The following CDH23 variants were observed in gnomAD, a reference collection of about 807,000 sequenced individuals.
The protein encoded by CDH23 is cadherin-23.
CDH23 carries 189 observed loss-of-function variants against 317.1 expected under a neutral mutation model. The observed-to-expected ratio is 0.60, with a 90% CI of 0.53 to 0.67. The LOEUF (loss-of-function observed/expected upper bound fraction) is 0.67. CDH23 is among the 30% of genes least tolerant of loss of function. The pLI is 0.00. For missense variants in CDH23, 4,401 were observed against 4,592.4 expected, an observed-to-expected ratio of 0.96 and a Z score of 1.20; for synonymous variants, 1,839 against 1,876.8, an observed-to-expected ratio of 0.98 and a Z score of 0.52.
intron 34 of CDH23, among the ~76,000 whole-genome samples, chr10:71,736,683 C>A (rs1052516323): frequency 2.6e-5 from 4 of 152,214 alleles, no homozygotes; most frequent in African/African-American, 9.6e-5. Flanking sequence ...TGCAGCCTCA[C>A]CAAGATCAGA....
intron 3 of CDH23, among the ~76,000 whole-genome samples, chr10:71,467,359 G>A (rs771059908): frequency 6.6e-6 from 1 of 152,220 alleles, no homozygotes; most frequent in Non-Finnish European, 1.5e-5. Flanking sequence ...GGCTGGGCCC[G>A]ATCCTCAGAG....
intron 17 of CDH23, 141 bp from the exon 18 acceptor site, chr10:71,682,304 G>C (rs545635110): frequency 9.3e-7 from 1 of 1,081,062 alleles, no homozygotes; most frequent in Non-Finnish European, 1.3e-6. Context: ...TCGAGATGTT[G>C]AGGCTCCAGG....
Position 71,570,817 on chromosome 10 carries a change from A to G in CDH23, c.652A>G (p.Thr218Ala). The G allele has an allele frequency of 6.2e-7, 1 of 1,613,696 alleles. No individual in the cohort carries two copies. Among genetic ancestry groups the G allele is most frequent in the African/African-American group, 1.3e-5 (1 of 75,006 alleles). The stretch of plus-strand genomic sequence containing the variant: ...TCAAGACAAGACCAGGCCTCTGTCC[A>G]CCCTGGCCAACTTGGCCATCATCAT... ...TDQDKTRPLS[T>A]LANLAIIITD... is the part of the protein sequence containing the mutation. The change falls in exon 8 of 70, where the codon ACC becomes GCC. Residue 218 changes from threonine (T) to alanine (A), a missense_variant. Thr to Ala is a moderately conservative substitution (Grantham distance 58). This residue lies in a region of CDH23 where 3,068 missense variants were observed against 3,203.3 expected (regional missense o/e 0.96). Coordinates refer to ENST00000224721, the MANE Select transcript of CDH23 (RefSeq NM_022124.6).
chr10:71,468,828 G>A (rs1851375614), intron 3 of CDH23, among the ~76,000 whole-genome samples: 1 of 152,188 alleles, frequency 6.6e-6, no homozygotes, highest in South Asian at 2.1e-4. Context: ...CAGGGCAGGG[G>A]TGAGGCAGGT....
intron 3 of CDH23, among the ~76,000 whole-genome samples, chr10:71,471,700 TG>T (rs1851523040): frequency 6.6e-6 from 1 of 151,630 alleles, no homozygotes; most frequent in Admixed American, 6.6e-5. Context: ...CACGCCGTGT[TG>T]TTTCTGACCC....
At position 71,777,885 on chromosome 10, in the gene CDH23, G is replaced by A. The variant is rs111033475; in HGVS notation, c.5051G>A (p.Arg1684His). 4.3e-5 allele frequency: 70 copies of A among 1,613,772 alleles called. 1 individual carries two copies. In the Middle Eastern group the frequency reaches 4.9e-4, roughly 11 times the overall value. The change falls in exon 39 of 70, where the codon CGC (arginine) becomes CAC (histidine). Residue 1684 changes from arginine to histidine, a missense_variant. Arg to His is a conservative substitution (Grantham distance 29, BLOSUM62 0). Around this residue, in one of 3 missense-constraint regions of CDH23, gnomAD observed 3,068 missense variants for 3,203.3 expected, o/e 0.96. Transcript: ENST00000224721. Reference sequence around the variant, plus strand: ...GCAGGCAACATCGTCAACACCTTCCGCATCGACAGACACATGGTCAGCAGC... The same window carrying A: ...GCAGGCAACATCGTCAACACCTTCCACATCGACAGACACATGGTCAGCAGC... The part of the protein sequence containing the change: ...IVAGNIVNTF[R>H]IDRHMGVITA...
intron 19 of CDH23, among the ~76,000 whole-genome samples, chr10:71,688,020 C>A (rs1019257830): frequency 6.6e-6 from 1 of 152,212 alleles, no homozygotes; most frequent in African/African-American, 2.4e-5. Context: ...ATTAAGCAAT[C>A]TTGATTAAAC....
chr10:71,605,402 G>A (rs1860472968), intron 9 of CDH23, among the ~76,000 whole-genome samples: 1 of 152,156 alleles, frequency 6.6e-6, no homozygotes, highest in African/African-American at 2.4e-5. Context: ...CATATCTGGG[G>A]GAAAGTGCTA....
At chr10:71,783,917 A>G (rs1382459419) in intron 41 of CDH23, among the ~76,000 whole-genome samples, 1 of 152,174 alleles carries the variant, frequency 6.6e-6, no homozygotes, top group Non-Finnish European at 1.5e-5. Flanking sequence ...GCCTTCATTG[A>G]TCAAGAGTGC....
At chr10:71,402,609 T>C (rs1847829952) in intron 1 of CDH23, among the ~76,000 whole-genome samples, 1 of 152,248 alleles carries the variant, frequency 6.6e-6, no homozygotes, top group Admixed American at 6.5e-5. Context: ...TTTGACTTAC[T>C]TATATGTTAG....
chr10:71,813,378 G>C (rs1842008688), intron 69 of CDH23, 30 bp downstream of exon 69: 3 of 1,517,910 alleles, frequency 2.0e-6, no homozygotes, highest in Non-Finnish European at 2.7e-6. Flanking sequence ...GGAGCTGTGT[G>C]CTGTGCCCCA....
chr10:71,732,791 C>G, intron 32 of CDH23: 1 of 878,850 alleles, frequency 1.1e-6, no homozygotes, highest in Non-Finnish European at 1.4e-6. Context: ...CTCTGGTCAT[C>G]GAAGTGTGTG....
intron 6 of CDH23, among the ~76,000 whole-genome samples, chr10:71,562,318 T>C (rs1484062368): frequency 6.6e-6 from 1 of 152,228 alleles, no homozygotes; most frequent in Admixed American, 6.5e-5. Context: ...CGCATGCTGA[T>C]AATTGCCTGC....
intron 14 of CDH23, among the ~76,000 whole-genome samples, chr10:71,659,346 A>G: frequency 6.6e-6 from 1 of 152,230 alleles, no homozygotes; most frequent in Admixed American, 6.5e-5. Flanking sequence ...TGACAGAAGC[A>G]GCCACTGGGA....
chr10:71,757,004 G>A (rs570105459), intron 38 of CDH23, among the ~76,000 whole-genome samples: 23 of 152,336 alleles, frequency 1.5e-4, no homozygotes, highest in South Asian at 4.1e-4. Flanking sequence ...AGCAAGTTCC[G>A]CTCCACATTA....
At chr10:71,467,545 A>C (rs1310693249) in intron 3 of CDH23, among the ~76,000 whole-genome samples, 1 of 152,140 alleles carries the variant, frequency 6.6e-6, no homozygotes, top group African/African-American at 2.4e-5. Flanking sequence ...GGTGGGAGGC[A>C]GTGCGCCATA....
intron 34 of CDH23, among the ~76,000 whole-genome samples, chr10:71,735,050 C>A (rs1332430906): frequency 6.6e-6 from 1 of 152,242 alleles, no homozygotes; most frequent in African/African-American, 2.4e-5. Flanking sequence ...TCCCTGCCAT[C>A]CTCAGAGGAT....
chr10:71,533,063 G>C (rs116680654), intron 6 of CDH23, among the ~76,000 whole-genome samples: 1 of 152,134 alleles, frequency 6.6e-6, no homozygotes, highest in African/African-American at 2.4e-5. Context: ...TGTGCCCAGC[G>C]CTGTATCTGG....
intron 11 of CDH23, 111 bp from the exon 12 acceptor site, chr10:71,643,750 A>T (rs1862687872): frequency 1.4e-6 from 1 of 716,212 alleles, no homozygotes; most frequent in African/African-American, 1.7e-5. Context: ...GGTCCCTCCC[A>T]TGACCCAGGG....
Sources: gnomAD v4.1 joint callset for allele counts (sites outside exome capture counted in the v4.1 genomes callset) on GRCh38, gnomAD v4.1.1 for gene constraint, gnomAD v4.1.1 regional missense constraint, MANE v1.5 for transcripts, NCBI Gene and HGNC (gene_info 2026-07-23, HGNC 2026-07-21) for gene names.